Variants in DNAJC6 observed in about 807,000 individuals in gnomAD.
DNAJC6 encodes auxilin.
Under a neutral mutation model 110.0 loss-of-function variants are expected in DNAJC6, and 34 were observed. The ratio of observed to expected loss-of-function variants is 0.31; its 90% confidence interval spans 0.24 to 0.41. The LOEUF is 0.41. DNAJC6 is among the 10% of genes least tolerant of loss of function. The pLI is 1.00. For missense variants in DNAJC6, 1,031 were observed against 1,207.8 expected, an observed-to-expected ratio of 0.85 and a Z score of 2.17; for synonymous variants, 406 against 437.2, an observed-to-expected ratio of 0.93 and a Z score of 0.89.
rs1448821207 is a variant in DNAJC6, at chr1:65,415,735, T to C, written c.*2710T>C. 1 of 152,200 alleles carries C rather than the reference T, an allele frequency of 6.6e-6. No homozygotes were observed. Among genetic ancestry groups the C allele is most frequent in the African/African-American group, 2.4e-5 (1 of 41,454 alleles). The allele number at this position is 152,200 out of a possible 1,614,324, so 9.4% of individuals were successfully genotyped here. A position where few individuals can be genotyped will look rare whatever the true frequency, so the allele number is the denominator to read the frequency against. ...GACCTGTCACTGTACTATCTACATG[T>C]GGAAGAATGTTCAAGTTGAATCCTA... On this transcript the variant is annotated 3_prime_UTR_variant, in exon 19 of 19. Coordinates refer to ENST00000371069, the MANE Select transcript of DNAJC6 (RefSeq NM_001256864.2).
At chr1:65,333,648 T>C (rs1222890830) in intron 1 of DNAJC6, among the ~76,000 whole-genome samples, 2 of 152,102 alleles carry the variant, frequency 1.3e-5, no homozygotes, top group Non-Finnish European at 2.9e-5. Flanking sequence ...ATCAGTGCCA[T>C]CTTTAGAACA....
At chr1:65,400,257 C>T (rs4916052) in intron 14 of DNAJC6, among the ~76,000 whole-genome samples, 95,332 of 152,168 alleles carry the variant, frequency 0.63, 30,632 homozygotes, top group African/African-American at 0.78. Context: ...TTGAAGTACA[C>T]ATACACTGTG....
chr1:65,367,287 C>T (rs115553331), intron 4 of DNAJC6, among the ~76,000 whole-genome samples: 2,128 of 152,166 alleles, frequency 0.014, 31 homozygotes, highest in Middle Eastern at 0.031. Flanking sequence ...GCTGCGGGGA[C>T]CACTCTTTGA....
At chr1:65,389,200 A>C (rs1181014550) in intron 9 of DNAJC6, 56 bp from the exon 10 acceptor site, 2 of 1,516,552 alleles carry the variant, frequency 1.3e-6, no homozygotes, top group African/African-American at 1.4e-5. Flanking sequence ...TGTGCCAAAC[A>C]TCATACCAGT....
intron 1 of DNAJC6, among the ~76,000 whole-genome samples, chr1:65,269,772 A>G (rs981956248): frequency 3.3e-5 from 5 of 152,122 alleles, no homozygotes; most frequent in East Asian, 3.9e-4. Flanking sequence ...GTGGTAATCA[A>G]TGGGTCTGGT....
chr1:65,364,841 G>T (rs549916242), intron 2 of DNAJC6, 56 bp downstream of exon 2: 34 of 1,592,906 alleles, frequency 2.1e-5, no homozygotes, highest in Non-Finnish European at 2.7e-5. Context: ...AAAGGATCTG[G>T]TTACCTGCTG....
At chr1:65,347,533 T>C (rs1237517580) in intron 1 of DNAJC6, among the ~76,000 whole-genome samples, 1 of 152,066 alleles carries the variant, frequency 6.6e-6, no homozygotes, top group Non-Finnish European at 1.5e-5. Flanking sequence ...TCTTCTATAT[T>C]ATAGATATAT....
intron 4 of DNAJC6, among the ~76,000 whole-genome samples, chr1:65,373,252 G>A (rs940331201): frequency 1.3e-5 from 2 of 152,110 alleles, no homozygotes; most frequent in African/African-American, 2.4e-5. Flanking sequence ...ATTGTGAATA[G>A]TGCTGCAATA....
intron 12 of DNAJC6, among the ~76,000 whole-genome samples, chr1:65,393,308 A>G (rs1204856910): frequency 6.6e-6 from 1 of 152,220 alleles, no homozygotes; most frequent in East Asian, 1.9e-4. Flanking sequence ...ATAGTTGAGG[A>G]AATGGAAGCA....
chr1:65,293,539 A>G (rs943104099), intron 1 of DNAJC6, among the ~76,000 whole-genome samples: 11 of 152,206 alleles, frequency 7.2e-5, no homozygotes, highest in African/African-American at 2.7e-4. Context: ...TCACAAGGCC[A>G]GCCCAGATTC....
chr1:65,375,546 C>G (rs1222115974), intron 4 of DNAJC6, among the ~76,000 whole-genome samples: 1 of 152,088 alleles, frequency 6.6e-6, no homozygotes, highest in East Asian at 1.9e-4. Context: ...CTGCGTCAGC[C>G]TCCCGAGTAA....
rs1557508068 is a variant in DNAJC6, at chr1:65,302,128, A to AT, written c.-131+37196_-131+37197insT. ...ATATAATATATATATATATATAAAA[A>AT]ATATATATAATACGTATTATATATA... On this transcript the variant is annotated intron_variant, in intron 1 of 19. Transcript: ENST00000263441. Among the ~76,000 whole-genome samples the AT allele has an allele frequency of 5.3e-4, 8 of 15,164 alleles. No individual in the cohort carries two copies. The African/African-American group carries it at 9.6e-3, about 18-fold the overall frequency. 9.9% of individuals were successfully genotyped at this position (15,164 alleles called of 152,430 possible).
At chr1:65,271,361 C>A (rs140177505) in intron 1 of DNAJC6, among the ~76,000 whole-genome samples, 2,159 of 152,246 alleles carry the variant, frequency 0.014, 48 homozygotes, top group African/African-American at 0.05. Context: ...AAAACTTATT[C>A]TTCTAACTGT....
chr1:65,344,403 G>C (rs1645417964), intron 1 of DNAJC6, among the ~76,000 whole-genome samples: 1 of 152,132 alleles, frequency 6.6e-6, no homozygotes, highest in South Asian at 2.1e-4. Flanking sequence ...AGACAGGGAG[G>C]GTGGCTGTAA....
chr1:65,291,354 A>G (rs1644873357), intron 1 of DNAJC6, among the ~76,000 whole-genome samples: 1 of 152,240 alleles, frequency 6.6e-6, no homozygotes, highest in Non-Finnish European at 1.5e-5. Flanking sequence ...TTTATACATT[A>G]GATATGTAGA....
chr1:65,281,905 G>A (rs1232913270), intron 1 of DNAJC6, among the ~76,000 whole-genome samples: 1 of 151,996 alleles, frequency 6.6e-6, no homozygotes, highest in African/African-American at 2.4e-5. Flanking sequence ...ACCGTGCCCA[G>A]CCCTGTTTAA....
rs531674182 is a variant in DNAJC6, at chr1:65,356,674, C to A, written c.194-7961C>A. Among the ~76,000 whole-genome samples, 48 of 151,496 alleles carry A rather than the reference C, an allele frequency of 3.2e-4. No individual in the cohort carries two copies. In the South Asian group the frequency reaches 9.2e-3, roughly 29 times the overall value. ...ATTACATAAAAATCACAATGTCATG[C>A]GTGTTATTATTTGATCCTGTTGATG... On this transcript the variant is annotated intron_variant, in intron 1 of 18. Transcript: ENST00000371069.
intron 7 of DNAJC6, 106 bp downstream of exon 7, chr1:65,386,012 A>T (rs1223931199): frequency 8.9e-7 from 1 of 1,118,812 alleles, no homozygotes; most frequent in African/African-American, 1.6e-5. Context: ...TCATTGTGAA[A>T]TAGCTGATAT....
At chr1:65,378,155 C>T (rs1232972877) in intron 4 of DNAJC6, among the ~76,000 whole-genome samples, 2 of 152,190 alleles carry the variant, frequency 1.3e-5, no homozygotes, top group Non-Finnish European at 2.9e-5. Flanking sequence ...CACTATCATC[C>T]CTTATTGACA....
Sources: gnomAD v4.1 joint callset for allele counts (sites outside exome capture counted in the v4.1 genomes callset) on GRCh38, gnomAD v4.1.1 for gene constraint, MANE v1.5 for transcripts, NCBI Gene and HGNC (gene_info 2026-07-23, HGNC 2026-07-21) for gene names.